The following FHL1 variants were observed in gnomAD, a reference collection of about 807,000 sequenced individuals.
The protein encoded by FHL1 is four and a half LIM domains 1.
Under a neutral mutation model 20.3 loss-of-function variants are expected in FHL1, and 1 was observed. The observed-to-expected ratio is 0.05, with a 90% CI of 0.02 to 0.23. The LOEUF (loss-of-function observed/expected upper bound fraction) is 0.23. Among genes scored for constraint, FHL1 ranks in the 10% least tolerant of loss-of-function variants. FHL1 has a pLI of 1.00. For missense variants in FHL1, 177 were observed against 234.0 expected (o/e 0.76, Z 1.59); for synonymous variants, 82 against 88.9 (o/e 0.92, Z 0.44).
chrX:136,182,272 A>C (rs1001585078), intron 2 of FHL1, among the ~76,000 whole-genome samples: 2 of 112,189 alleles, frequency 1.8e-5, no homozygotes, highest in African/African-American at 6.5e-5. Context: ...TAGACATAGA[A>C]TGTTGGTTAC....
chrX:136,206,276 G>A, intron 1 of FHL1, 131 bp from the exon 2 acceptor site: 1 of 794,773 alleles, frequency 1.3e-6, no homozygotes, highest in Admixed American at 2.2e-5. Context: ...CTCGGCTGAA[G>A]GGGAAGCTGG....
At position 136,207,899 on chromosome X, in the gene FHL1, G is replaced by A; in HGVS notation, c.487G>A (p.Asp163Asn). The A allele has an allele frequency of 8.2e-7, 1 of 1,212,236 alleles. No individual in the cohort carries two copies. The change falls in exon 4 of 6, where the codon GAC becomes AAC. Residue 163 changes from aspartate (D) to asparagine (N), a missense_variant. By Grantham distance (23) the Asp-to-Asn change is conservative. Coordinates refer to ENST00000370683, the MANE Select transcript of FHL1 (RefSeq NM_001159699.2). ...GTGSFFPKGE[D>N]FYCVTCHETK... is the part of the protein sequence containing the mutation. Reference sequence around the variant, plus strand: ...TGGAAGCTTCTTCCCTAAAGGGGAGGACTTCTACTGCGTGACTTGCCATGA... The same window carrying A: ...TGGAAGCTTCTTCCCTAAAGGGGAGAACTTCTACTGCGTGACTTGCCATGA...
intron 2 of FHL1, among the ~76,000 whole-genome samples, chrX:136,175,433 T>C (rs1244451063): frequency 1.8e-5 from 2 of 112,422 alleles, no homozygotes; most frequent in African/African-American, 6.5e-5. Context: ...GGCACAAAGA[T>C]TGGTACCCTT....
At chrX:136,152,802 T>A (rs1198222932) in intron 1 of FHL1, among the ~76,000 whole-genome samples, 1 of 109,815 alleles carries the variant, frequency 9.1e-6, no homozygotes, top group East Asian at 2.9e-4. Context: ...AATGGAGAGA[T>A]GAATTGCTAT....
Position 136,149,345 on chromosome X carries a change from T to C in FHL1, c.-101+1717T>C, listed in dbSNP as rs764023235. On this transcript the variant is annotated intron_variant, in intron 1 of 7. Transcript: ENST00000394155. ...TTCATGTTTGCTTAAGAAGAATACG[T>C]ATTAAGCAGGCATTTGCCTTTTATG... Among the ~76,000 whole-genome samples, 122 of 112,578 alleles carry C rather than the reference T, an allele frequency of 1.1e-3. 1 individual carries two copies. Among genetic ancestry groups the C allele is most frequent in the Non-Finnish European group, 1.6e-3 (87 of 53,309 alleles).
At chrX:136,206,363 G>A (rs751916070) in intron 1 of FHL1, 44 bp from the exon 2 acceptor site, 2 of 1,203,062 alleles carry the variant, frequency 1.7e-6, no homozygotes, top group Non-Finnish European at 2.2e-6. Flanking sequence ...CAGGGTGCTG[G>A]GGCATTTCCT....
chrX:136,164,147 A>T (rs2072647363), intron 1 of FHL1, among the ~76,000 whole-genome samples: 1 of 110,473 alleles, frequency 9.1e-6, no homozygotes, highest in African/African-American at 3.3e-5. Flanking sequence ...AGATTTTGCC[A>T]TTTGACTTGT....
chrX:136,152,007 C>CA (rs1364446108), intron 1 of FHL1, among the ~76,000 whole-genome samples: 1 of 111,712 alleles, frequency 9.0e-6, no homozygotes, highest in East Asian at 2.8e-4. Context: ...ATGCATCATT[C>CA]AAAATCTTAT....
intron 1 of FHL1, among the ~76,000 whole-genome samples, chrX:136,199,336 G>T (rs934417244): frequency 5.4e-5 from 6 of 110,927 alleles, no homozygotes; most frequent in Non-Finnish European, 1.1e-4. Flanking sequence ...AAAAAGATTT[G>T]TTTTTTTTCT....
chrX:136,197,814 A>G (rs1178653847), intron 1 of FHL1, among the ~76,000 whole-genome samples: 1 of 112,183 alleles, frequency 8.9e-6, no homozygotes, highest in Non-Finnish European at 1.9e-5. Context: ...CCAAAAGCCC[A>G]GTTATTTGAA....
intron 2 of FHL1, among the ~76,000 whole-genome samples, chrX:136,177,202 T>G (rs1477483761): frequency 8.9e-6 from 1 of 112,061 alleles, no homozygotes; most frequent in Non-Finnish European, 1.9e-5. Flanking sequence ...GTATCTCCTT[T>G]ACCCATTACA....
upstream of FHL1, chrX:136,147,470 G>A (rs1258482678): frequency 5.9e-5 from 6 of 102,519 alleles, no homozygotes; most frequent in Non-Finnish European, 1.0e-4. Flanking sequence ...CGCCTCCCAG[G>A]CGCGCACCCC....
intron 1 of FHL1, among the ~76,000 whole-genome samples, chrX:136,153,273 T>G (rs2072320045): frequency 1.7e-5 from 1 of 57,690 alleles, no homozygotes; most frequent in Non-Finnish European, 4.1e-5. Context: ...AAAGCATTTT[T>G]TTGCGGGAGG....
chrX:136,165,300 G>T (rs982197664), upstream of FHL1, among the ~76,000 whole-genome samples: 1 of 111,880 alleles, frequency 8.9e-6, no homozygotes, highest in African/African-American at 3.2e-5. Flanking sequence ...TTATTTTGCC[G>T]AATGAGAGCC....
At chrX:136,146,957 C>A (rs538596536), upstream of FHL1, 1,830 of 326,359 alleles carry the variant, frequency 5.6e-3, 16 homozygotes, top group South Asian at 0.036. Flanking sequence ...GTTCCGAAGT[C>A]GGAGGCCGAA....
At chrX:136,162,229 T>C (rs1013834859) in intron 1 of FHL1, among the ~76,000 whole-genome samples, 1 of 110,196 alleles carries the variant, frequency 9.1e-6, no homozygotes, top group Admixed American at 9.7e-5. Context: ...GGAAAGAGTA[T>C]TGAACTGCAT....
At chrX:136,180,778 C>G (rs978106001) in intron 2 of FHL1, among the ~76,000 whole-genome samples, 18 of 81,193 alleles carry the variant, frequency 2.2e-4, no homozygotes, top group Non-Finnish European at 7.8e-5. Flanking sequence ...GTCTCACTCT[C>G]TCGCCCAGGC....
rs1441415375 is a variant in FHL1, at chrX:136,206,398, C to T, written c.23-9C>T. On this transcript the variant is annotated splice_polypyrimidine_tract_variant and intron_variant, in intron 1 of 5. Coordinates refer to ENST00000370683, the MANE Select transcript of FHL1 (RefSeq NM_001159699.2). ...TGTGGTCATTTGTCCTGTCTGCTTG[C>T]CCCCGCAGGTCCCTCCAGCTACAAG... The T allele has an allele frequency of 2.5e-6, 3 of 1,210,075 alleles. No individual in the cohort carries two copies. Among genetic ancestry groups the T allele is most frequent in the South Asian group, 3.5e-5 (2 of 56,808 alleles).
chrX:136,168,593 C>T (rs1470163693), upstream of FHL1, among the ~76,000 whole-genome samples: 1 of 111,420 alleles, frequency 9.0e-6, no homozygotes, highest in Non-Finnish European at 1.9e-5. Context: ...ACCATGGGCA[C>T]AAAATTTGTC....
Sources: allele counts gnomAD v4.1 joint callset (sites outside exome capture counted in the v4.1 genomes callset), GRCh38; gene constraint gnomAD v4.1.1; transcripts MANE v1.5; gene names NCBI Gene and HGNC (gene_info 2026-07-23, HGNC 2026-07-21).